Variants in SMIM7 observed in about 807,000 individuals in gnomAD.
SMIM7 encodes small integral membrane protein 7.
SMIM7 carries 12 observed loss-of-function variants against 13.3 expected under a neutral mutation model. The observed-to-expected ratio is 0.90, with a 90% CI of 0.58 to 1.46. The LOEUF (loss-of-function observed/expected upper bound fraction) is 1.46, where lower values mean the gene tolerates loss of function less well. SMIM7 is among the 40% of genes most tolerant of loss of function. The probability of loss-of-function intolerance (pLI) is 0.00; values close to 1 mark genes in which losing one functional copy is unlikely to be tolerated. For synonymous variants in SMIM7, 36 were observed against 35.8 expected (o/e 1.01, Z -0.02); for missense variants, 114 against 94.8 (o/e 1.20, Z -0.84).
chr19:16,659,430 T>C lies in SMIM7; in HGVS notation c.86A>G (p.Gln29Arg). The C allele has an allele frequency of 6.2e-7, 1 of 1,613,702 alleles. No individual in the cohort carries two copies. The highest frequency in any genetic ancestry group is 8.5e-7 in the Non-Finnish European group (1 of 1,179,894). The part of the protein sequence containing the change: ...LNFKLKKKDT[Q>R]GFGEESREPS... ...CTCCCTGGACTCCTCCCCAAAGCCC[T>C]GCGTGTCCTTCTTTTTCCTACAAAG... The change falls in exon 3 of 5, where the codon CAG (glutamine) becomes CGG (arginine). Residue 29 changes from glutamine to arginine, a missense_variant. Transcript: ENST00000487416.
At chr19:16,633,740 C>G (rs1194718307) in intron 4 of SMIM7, 1 of 152,016 alleles carries the variant, frequency 6.6e-6, no homozygotes, top group African/African-American at 2.4e-5. Flanking sequence ...AAAAATAAAG[C>G]CACTATTGAT....
intron 3 of SMIM7, 157 bp downstream of exon 3, chr19:16,659,238 G>A (rs765793381): frequency 7.1e-6 from 5 of 703,718 alleles, no homozygotes; most frequent in Non-Finnish European, 1.2e-5. Flanking sequence ...AGCCATGATC[G>A]CACCACTGCA....
chr19:16,657,164 G>A (rs2086607266), intron 3 of SMIM7, among the ~76,000 whole-genome samples: 1 of 152,182 alleles, frequency 6.6e-6, no homozygotes, highest in Non-Finnish European at 1.5e-5. Context: ...AGCCACTATG[G>A]TATTACAGTT....
At chr19:16,650,594 CA>C (rs2086511597) in intron 4 of SMIM7, among the ~76,000 whole-genome samples, 1 of 151,904 alleles carries the variant, frequency 6.6e-6, no homozygotes, top group Non-Finnish European at 1.5e-5. Context: ...CCTGTAGTCT[CA>C]GCTCCTTGGG....
rs1307071021 is a variant in SMIM7 at position 16,658,118 on chromosome 19, G to A, written c.121+1277C>T. On this transcript the variant is annotated intron_variant, in intron 3 of 4. Transcript: ENST00000487416. ...TGGCATCCACCGCCTTGACTGTGAC[G>A]CCGCCTCCTCAAATGGCCTTCCCTT... 2.5e-4 allele frequency among the ~76,000 whole-genome samples: 38 copies of A among 152,260 alleles called. 1 individual carries two copies. The highest frequency in any genetic ancestry group is 2.3e-3 in the Admixed American group (35 of 15,282).
chr19:16,643,730 A>G (rs2086421841), downstream of SMIM7, among the ~76,000 whole-genome samples: 1 of 152,176 alleles, frequency 6.6e-6, no homozygotes, highest in Non-Finnish European at 1.5e-5. Context: ...AAAACAAACA[A>G]AAGCCACTTA....
At position 16,646,804 on chromosome 19, in the gene SMIM7, T is replaced by C. The variant is rs2086454204; in HGVS notation, c.*442A>G. 1.8e-5 allele frequency: 4 copies of C among 224,208 alleles called. No homozygotes were observed. The highest frequency in any genetic ancestry group is 5.3e-5 in the Admixed American group (1 of 19,036). The allele number at this position is 224,208 out of a possible 1,614,324, so 13.9% of individuals were successfully genotyped here. A position where few individuals can be genotyped will look rare whatever the true frequency, so the allele number is the denominator to read the frequency against. On this transcript the variant is annotated 3_prime_UTR_variant, in exon 5 of 5. Transcript: ENST00000487416. ...GCACTGAGTGGCCAAGCAGACCCTG[T>C]TGGGATGTGAAAGCAGTTTGTTAAC...
exon 5 of SMIM7, chr19:16,630,923 G>C (rs2086317364): frequency 1.3e-5 from 2 of 152,170 alleles, no homozygotes; most frequent in African/African-American, 4.8e-5. Flanking sequence ...CCTTGCCAGG[G>C]ATCCTGTCAG....
intron 4 of SMIM7, chr19:16,634,179 T>C (rs545117431): frequency 6.6e-6 from 1 of 152,206 alleles, no homozygotes; most frequent in Admixed American, 6.6e-5. Flanking sequence ...CCCAGTTTTA[T>C]ATCATTATTC....
chr19:16,644,131 T>G (rs571887381), downstream of SMIM7, among the ~76,000 whole-genome samples: 118 of 148,680 alleles, frequency 7.9e-4, no homozygotes, highest in African/African-American at 2.8e-3. Flanking sequence ...TTTTTTTTTT[T>G]TTTTTTTTTT....
chr19:16,639,039 C>T (rs2086382257), intron 4 of SMIM7: 1 of 152,120 alleles, frequency 6.6e-6, no homozygotes. Context: ...ACTCTTTTGC[C>T]TAGGTTTACC....
chr19:16,641,765 G>C (rs2086405731), downstream of SMIM7, among the ~76,000 whole-genome samples: 1 of 152,146 alleles, frequency 6.6e-6, no homozygotes, highest in Non-Finnish European at 1.5e-5. Flanking sequence ...CACCCGGCTA[G>C]TTTTTGTATT....
At chr19:16,647,353 A>G (rs570537710) in intron 4 of SMIM7, 92 bp from the exon 5 acceptor site, 36 of 1,435,372 alleles carry the variant, frequency 2.5e-5, no homozygotes, top group Non-Finnish European at 3.3e-5. Context: ...ACTATTACCT[A>G]TTACTTAGAT....
downstream of SMIM7, among the ~76,000 whole-genome samples, chr19:16,644,441 T>C (rs1428668197): frequency 1.3e-5 from 2 of 150,626 alleles, no homozygotes; most frequent in Admixed American, 1.3e-4. Flanking sequence ...TGTAACTTTT[T>C]TTTTTTTTTC....
intron 3 of SMIM7, among the ~76,000 whole-genome samples, chr19:16,658,778 G>C (rs1207420150): frequency 2.0e-5 from 3 of 152,140 alleles, no homozygotes; most frequent in Non-Finnish European, 4.4e-5. Flanking sequence ...AAGAACAAAG[G>C]ATGGGACAAG....
rs200102982 is a variant in SMIM7 at position 16,654,072 on chromosome 19, C to T, written c.175G>A (p.Ala59Thr). Residue 59 changes from alanine to threonine, a missense_variant, in exon 4 of 5, where the codon GCC (alanine) becomes ACC (threonine). Coordinates refer to ENST00000487416, the MANE Select transcript of SMIM7 (RefSeq NM_024104.4). ...AACATCATGAAGATGTTCCACAGGG[C>T]GATGAAGATTCGAAAGTATCTGAGG... ...LSLRYFRIFI[A>T]LWNIFMMFCM... 108 of 1,613,850 alleles carry T rather than the reference C, an allele frequency of 6.7e-5. No individual in the cohort carries two copies. Among genetic ancestry groups the T allele is most frequent in the Non-Finnish European group, 8.8e-5 (104 of 1,179,992 alleles).
intron 4 of SMIM7, among the ~76,000 whole-genome samples, chr19:16,650,844 A>G (rs1442939723): frequency 6.6e-6 from 1 of 152,202 alleles, no homozygotes; most frequent in Non-Finnish European, 1.5e-5. Flanking sequence ...TCCCTGGCTA[A>G]ACAGTGTTTC....
intron 4 of SMIM7, chr19:16,631,729 GAGAC>G (rs997171153): frequency 3.3e-5 from 5 of 152,194 alleles, no homozygotes; most frequent in African/African-American, 1.2e-4. Context: ...AAGCCCCTGA[GAGAC>G]AGGCCATTTA....
chr19:16,652,028 T>C (rs1024729110), intron 4 of SMIM7, among the ~76,000 whole-genome samples: 5 of 146,302 alleles, frequency 3.4e-5, no homozygotes, highest in African/African-American at 7.7e-5. Context: ...AAGACGAGAA[T>C]GAGGGAAGCA....
Sources: gnomAD v4.1 joint callset for allele counts (sites outside exome capture counted in the v4.1 genomes callset) on GRCh38, gnomAD v4.1.1 for gene constraint, MANE v1.5 for transcripts, NCBI Gene and HGNC (gene_info 2026-07-23, HGNC 2026-07-21) for gene names.